ZPBP: variants seen among roughly 807,000 people sequenced by gnomAD.
ZPBP encodes zona pellucida-binding protein 1.
In ZPBP, 26 loss-of-function variants were observed where a neutral mutation model predicts 44.8. That is an observed-to-expected ratio of 0.58 (90% confidence interval 0.43 to 0.81). The LOEUF is 0.81. Ranked by LOEUF, ZPBP falls within the 30% of genes least tolerant of loss-of-function variation. ZPBP has a pLI of 0.00. For synonymous variants in ZPBP, 174 were observed against 153.2 expected (o/e 1.14, Z -1.00); for missense variants, 409 against 434.0 (o/e 0.94, Z 0.51).
intron 7 of ZPBP, among the ~76,000 whole-genome samples, chr7:49,948,606 T>C (rs1795202512): frequency 6.6e-6 from 1 of 152,076 alleles, no homozygotes; most frequent in South Asian, 2.1e-4. Context: ...TCAATAAGTA[T>C]ATAAACAGAT....
At chr7:49,887,821 C>T (rs754374349) in intron 2 of ZPBP, among the ~76,000 whole-genome samples, 2 of 152,188 alleles carry the variant, frequency 1.3e-5, no homozygotes, top group Admixed American at 6.5e-5. Context: ...TCTCTCCCAT[C>T]CCCCAGAAAT....
chr7:50,008,652 A>G (rs1798423665), intron 6 of ZPBP, among the ~76,000 whole-genome samples: 1 of 152,130 alleles, frequency 6.6e-6, no homozygotes. Flanking sequence ...ACAGTATGGT[A>G]CTGGCATAAA....
intron 6 of ZPBP, among the ~76,000 whole-genome samples, chr7:50,014,254 A>C: frequency 6.6e-6 from 1 of 152,042 alleles, no homozygotes; most frequent in Non-Finnish European, 1.5e-5. Context: ...ATTGACATAC[A>C]GGCTGATTCT....
chr7:49,885,477 TC>T, intron 2 of ZPBP, among the ~76,000 whole-genome samples: 1 of 152,186 alleles, frequency 6.6e-6, no homozygotes. Flanking sequence ...CAGATTAACT[TC>T]ATCAAATTAC....
At chr7:49,937,431 TAAAA>T, downstream of ZPBP, 8 of 959,486 alleles carry the variant, frequency 8.3e-6, no homozygotes, top group Middle Eastern at 2.8e-4. Flanking sequence ...CATTTTTTTG[TAAAA>T]TATGATTAAT....
chr7:49,844,114 A>G, the ZPBP span, among the ~76,000 whole-genome samples: 1 of 152,294 alleles, frequency 6.6e-6, no homozygotes, highest in South Asian at 2.1e-4. Flanking sequence ...AGGTGGATGA[A>G]TGTGTGATGT....
downstream of ZPBP, among the ~76,000 whole-genome samples, chr7:49,932,905 C>A (rs1794495574): frequency 1.3e-5 from 2 of 152,108 alleles, no homozygotes; most frequent in South Asian, 4.2e-4. Flanking sequence ...TGCTCATGTT[C>A]TCTTGCCTGC....
At chr7:50,038,714 T>C (rs1799933576) in intron 4 of ZPBP, among the ~76,000 whole-genome samples, 1 of 152,240 alleles carries the variant, frequency 6.6e-6, no homozygotes, top group Admixed American at 6.5e-5. Flanking sequence ...AAACGGCATA[T>C]ACAATGTTGG....
chr7:49,950,035 G>T (rs1334758047), intron 7 of ZPBP, among the ~76,000 whole-genome samples: 9 of 151,746 alleles, frequency 5.9e-5, no homozygotes. Flanking sequence ...ATCTTGAACA[G>T]AATATATAAA....
chr7:49,871,521 C>T (rs768482918), intron 2 of ZPBP, among the ~76,000 whole-genome samples: 32 of 151,908 alleles, frequency 2.1e-4, no homozygotes, highest in Non-Finnish European at 3.8e-4. Context: ...GTGGGGTTTC[C>T]ATTATGTGTC....
At chr7:50,092,071 C>T (rs1038984962) in intron 1 of ZPBP, among the ~76,000 whole-genome samples, 1 of 152,152 alleles carries the variant, frequency 6.6e-6, no homozygotes, top group Admixed American at 6.5e-5. Flanking sequence ...TCATCACTTA[C>T]AAGATACTAA....
At chr7:49,864,058 C>T (rs1283728000) in intron 2 of ZPBP, among the ~76,000 whole-genome samples, 1 of 151,914 alleles carries the variant, frequency 6.6e-6, no homozygotes, top group Non-Finnish European at 1.5e-5. Context: ...GCCCTTCTTC[C>T]AGAGGTCTCC....
chr7:50,066,551 T>A (rs531705641), intron 3 of ZPBP, among the ~76,000 whole-genome samples: 1 of 152,214 alleles, frequency 6.6e-6, no homozygotes, highest in African/African-American at 2.4e-5. Context: ...GCGTAGGTAA[T>A]AGAACTATGC....
chr7:49,892,535 C>T (rs1463479940), intron 2 of ZPBP, among the ~76,000 whole-genome samples: 9 of 152,166 alleles, frequency 5.9e-5, no homozygotes, highest in Non-Finnish European at 1.5e-5. Context: ...TGTTAGAAAT[C>T]AGCAAAGGCA....
At position 50,089,709 on chromosome 7, in the gene ZPBP, A is replaced by G; in HGVS notation, c.128T>C (p.Val43Ala). 1.2e-6 allele frequency: 2 copies of G among 1,607,622 alleles called. No homozygotes were observed. The highest frequency in any genetic ancestry group is 3.4e-5 in the Admixed American group (2 of 59,696). ...SAFLVRVPSS[V>A]GHLVRLPRAF... ...TCTTGGTAATCGAACCAAGTGTCCAACTATCAAAAAAAAAGATCAACAATT... is the reference window on the plus strand; with the variant it reads ...TCTTGGTAATCGAACCAAGTGTCCAGCTATCAAAAAAAAAGATCAACAATT... Residue 43 changes from valine to alanine, a missense_variant and splice_region_variant, in exon 2 of 8, where the codon GTT becomes GCT. Val to Ala is a moderately conservative substitution (Grantham distance 64). Transcript: ENST00000046087.
chr7:50,039,661 T>G (rs1040842589), intron 4 of ZPBP, among the ~76,000 whole-genome samples: 5 of 152,104 alleles, frequency 3.3e-5, no homozygotes, highest in Admixed American at 3.3e-4. Flanking sequence ...GTAACTTGAA[T>G]CCAGGGAACA....
chr7:49,945,041 G>C (rs1905273), intron 7 of ZPBP, among the ~76,000 whole-genome samples: 4 of 151,822 alleles, frequency 2.6e-5, no homozygotes, highest in Admixed American at 6.6e-5. Flanking sequence ...AGGTACATCA[G>C]GTTTCCATTT....
intron 1 of ZPBP, chr7:49,916,984 T>G (rs1208017519): frequency 6.6e-6 from 1 of 152,246 alleles, no homozygotes; most frequent in Non-Finnish European, 1.5e-5. Flanking sequence ...CACTGGCCCT[T>G]TATGATAAAG....
chr7:50,023,142 AC>A (rs1268107167), intron 5 of ZPBP, among the ~76,000 whole-genome samples: 1 of 152,076 alleles, frequency 6.6e-6, no homozygotes, highest in Non-Finnish European at 1.5e-5. Context: ...TTTCATTTTT[AC>A]CAGAGTCTCA....
Sources: gnomAD v4.1 joint callset for allele counts (sites outside exome capture counted in the v4.1 genomes callset) on GRCh38, gnomAD v4.1.1 for gene constraint, MANE v1.5 for transcripts, NCBI Gene and HGNC (gene_info 2026-07-23, HGNC 2026-07-21) for gene names.